The following CSMD2 variants were observed in gnomAD, a reference collection of about 807,000 sequenced individuals.
The protein encoded by CSMD2 is CUB and sushi domain-containing protein 2.
CSMD2 carries 130 observed loss-of-function variants against 398.5 expected under a neutral mutation model. The observed-to-expected ratio is 0.33, with a 90% CI of 0.28 to 0.38. CSMD2 has a LOEUF of 0.38. Ranked by LOEUF, CSMD2 falls within the 10% of genes least tolerant of loss-of-function variation. CSMD2 has a pLI of 1.00. For missense variants in CSMD2, 3,829 were observed against 4,764.9 expected (o/e 0.80, Z 5.78); for synonymous variants, 1,828 against 1,908.5 (o/e 0.96, Z 1.10).
chr1:33,866,229 T>C (rs1209194945), intron 5 of CSMD2, among the ~76,000 whole-genome samples: 1 of 152,244 alleles, frequency 6.6e-6, no homozygotes, highest in Admixed American at 6.5e-5. Context: ...AGGATTTTCA[T>C]GTGCCAGGCC....
intron 2 of CSMD2, among the ~76,000 whole-genome samples, chr1:34,082,596 G>A (rs892975447): frequency 1.1e-4 from 17 of 152,356 alleles, no homozygotes; most frequent in South Asian, 6.2e-4. Flanking sequence ...CATTGAGAAC[G>A]GGCCATGATG....
chr1:33,925,227 T>A (rs1332714630), intron 4 of CSMD2, among the ~76,000 whole-genome samples: 4 of 152,204 alleles, frequency 2.6e-5, no homozygotes, highest in Admixed American at 2.0e-4. Flanking sequence ...GATTTTTGTA[T>A]ATGGTGAGAG....
intron 4 of CSMD2, among the ~76,000 whole-genome samples, chr1:33,921,454 C>T (rs1442030784): frequency 6.6e-6 from 1 of 152,180 alleles, no homozygotes; most frequent in Non-Finnish European, 1.5e-5. Context: ...GAGCAAGCAC[C>T]GGGCCCACTG....
chr1:33,602,307 C>T (rs1640278227), intron 43 of CSMD2, 62 bp downstream of exon 43: 4 of 1,547,816 alleles, frequency 2.6e-6, no homozygotes, highest in Non-Finnish European at 3.6e-6. Flanking sequence ...TGACTGGTAA[C>T]CCAGTGTAGA....
At chr1:33,772,072 T>TC (rs1180853567) in intron 13 of CSMD2, 1 of 153,532 alleles carries the variant, frequency 6.5e-6, no homozygotes, top group Non-Finnish European at 1.4e-5. Flanking sequence ...GATAGCTTGA[T>TC]CCCTTTTCCC....
At chr1:33,839,419 G>A (rs12124016) in intron 6 of CSMD2, 77,370 of 153,476 alleles carry the variant, frequency 0.5, 19,552 homozygotes, top group East Asian at 0.66. Flanking sequence ...ATGGCATGGT[G>A]TTTGGAAGAG....
At chr1:33,727,601 T>C (rs1032607057) in intron 15 of CSMD2, among the ~76,000 whole-genome samples, 3 of 152,208 alleles carry the variant, frequency 2.0e-5, no homozygotes, top group Non-Finnish European at 4.4e-5. Flanking sequence ...GTGGAAACTT[T>C]ATAAGCCTGT....
upstream of CSMD2, chr1:34,165,787 G>T: frequency 6.2e-7 from 1 of 1,614,032 alleles, no homozygotes; most frequent in Non-Finnish European, 8.5e-7. Flanking sequence ...GCCATCTAGG[G>T]CCGGGGGCGA....
At chr1:33,983,902 C>T (rs1646257077) in intron 3 of CSMD2, among the ~76,000 whole-genome samples, 1 of 152,092 alleles carries the variant, frequency 6.6e-6, no homozygotes, top group Non-Finnish European at 1.5e-5. Flanking sequence ...CCTGGAATCC[C>T]AGCACCAAGG....
At chr1:34,015,903 T>G (rs1231520666) in intron 3 of CSMD2, among the ~76,000 whole-genome samples, 1 of 152,124 alleles carries the variant, frequency 6.6e-6, no homozygotes. Flanking sequence ...TGTGGGTGCA[T>G]GCACCTGGGA....
At chr1:34,092,193 A>G (rs1658649215) in intron 1 of CSMD2, among the ~76,000 whole-genome samples, 1 of 152,256 alleles carries the variant, frequency 6.6e-6, no homozygotes, top group Non-Finnish European at 1.5e-5. Context: ...TGACTTTTAC[A>G]GAGGGATAAA....
chr1:34,165,252 G>C (rs1641780975), upstream of CSMD2: 1 of 1,182,080 alleles, frequency 8.5e-7, no homozygotes, highest in African/African-American at 1.6e-5. Context: ...CCGCCCGGCC[G>C]GGGAGAGGCG....
At chr1:34,145,071 A>G (rs1421301173) in intron 1 of CSMD2, among the ~76,000 whole-genome samples, 1 of 152,198 alleles carries the variant, frequency 6.6e-6, no homozygotes, top group African/African-American at 2.4e-5. Context: ...GCTTGACTGC[A>G]TGAGAAACTT....
intron 3 of CSMD2, among the ~76,000 whole-genome samples, chr1:33,938,006 T>C (rs922980416): frequency 6.6e-6 from 1 of 152,236 alleles, no homozygotes; most frequent in Non-Finnish European, 1.5e-5. Context: ...AATTAGTTAT[T>C]TGGAGAGTTA....
rs1432068129 is a variant in CSMD2 at position 33,888,755 on chromosome 1, T to TG, written c.920+29338_920+29339insC. ...TGATCAAATCAGGAGATCAACTGAT[T>TG]TTTGTTGTTGTTGTTGTTGTTGTTG... On this transcript the variant is annotated intron_variant, in intron 5 of 70. Coordinates refer to ENST00000373381, the MANE Select transcript of CSMD2 (RefSeq NM_001281956.2). 1.1e-3 allele frequency among the ~76,000 whole-genome samples: 144 copies of TG among 136,520 alleles called. 1 individual carries two copies. Among genetic ancestry groups the TG allele is most frequent in the Non-Finnish European group, 2.9e-4 (19 of 64,964 alleles). 89.6% of individuals were successfully genotyped at this position (136,520 alleles called of 152,430 possible). A position where few individuals can be genotyped will look rare whatever the true frequency, so the allele number is the denominator to read the frequency against.
intron 5 of CSMD2, chr1:33,882,097 C>T (rs900081029): frequency 2.0e-5 from 3 of 152,208 alleles, no homozygotes; most frequent in African/African-American, 7.2e-5. Context: ...CCACATTTCA[C>T]GTTTTAATTC....
intron 13 of CSMD2, among the ~76,000 whole-genome samples, chr1:33,759,299 G>T (rs1174519626): frequency 4.7e-5 from 7 of 150,234 alleles, no homozygotes; most frequent in Non-Finnish European, 8.9e-5. Flanking sequence ...ATCATACAGA[G>T]CTTGAGTTTC....
chr1:33,815,315 G>T (rs147685336), intron 9 of CSMD2: 7 of 152,030 alleles, frequency 4.6e-5, no homozygotes, highest in African/African-American at 1.7e-4. Flanking sequence ...CTTCAGTGAC[G>T]CTTTTTGGCT....
At chr1:33,551,287 G>T (rs952467806) in intron 55 of CSMD2, among the ~76,000 whole-genome samples, 4 of 152,216 alleles carry the variant, frequency 2.6e-5, no homozygotes, top group African/African-American at 7.2e-5. Flanking sequence ...CCAGATCATG[G>T]CATGAAAATT....
Sources: allele counts gnomAD v4.1 joint callset (sites outside exome capture counted in the v4.1 genomes callset), GRCh38; gene constraint gnomAD v4.1.1; transcripts MANE v1.5; gene names NCBI Gene and HGNC (gene_info 2026-07-23, HGNC 2026-07-21).